Variants in NRIP1 observed in about 807,000 individuals in gnomAD.
NRIP1 encodes the protein nuclear receptor interacting protein 1.
Under a neutral mutation model 75.0 loss-of-function variants are expected in NRIP1, and 28 were observed. The observed-to-expected ratio is 0.37, with a 90% CI of 0.28 to 0.51. NRIP1 has a LOEUF of 0.51. Among genes scored for constraint, NRIP1 ranks in the 20% least tolerant of loss-of-function variants. NRIP1 has a pLI of 0.92. For synonymous variants in NRIP1, 526 were observed against 487.6 expected (o/e 1.08, Z -1.04); for missense variants, 1,435 against 1,343.7 (o/e 1.07, Z -1.06).
chr21:15,031,439 G>A (rs1176937874), intron 2 of NRIP1, among the ~76,000 whole-genome samples: 1 of 132,500 alleles, frequency 7.5e-6, no homozygotes, highest in African/African-American at 2.9e-5. Flanking sequence ...TCTGGAAGGC[G>A]CTCGGAGGAT....
chr21:15,038,858 A>T (rs752765834), intron 2 of NRIP1, among the ~76,000 whole-genome samples: 12 of 152,146 alleles, frequency 7.9e-5, no homozygotes, highest in Non-Finnish European at 1.0e-4. Context: ...CTCCTTCTAG[A>T]TGCTCAGCCT....
chr21:15,035,670 C>T lies in NRIP1; in HGVS notation c.-458+7825G>A, dbSNP rs192855604. On this transcript the variant is annotated intron_variant, in intron 2 of 3. Transcript: ENST00000318948. ...CTCCTGGGTTCAAGCATTTCTCCTG[C>T]CTCAGCCTCCTGAGTAGCTGGGATT... 6.2e-3 allele frequency among the ~76,000 whole-genome samples: 946 copies of T among 151,648 alleles called. 7 individuals are homozygous for T. Among genetic ancestry groups the T allele is most frequent in the African/African-American group, 0.021 (883 of 41,282 alleles).
intron 3 of NRIP1, among the ~76,000 whole-genome samples, chr21:14,985,130 A>T (rs2087359558): frequency 6.6e-6 from 1 of 152,190 alleles, no homozygotes; most frequent in African/African-American, 2.4e-5. Context: ...TAAACTCCTT[A>T]TGGGCAAGAA....
intron 3 of NRIP1, among the ~76,000 whole-genome samples, chr21:14,999,960 A>C (rs2087814296): frequency 6.6e-6 from 1 of 152,248 alleles, no homozygotes; most frequent in Non-Finnish European, 1.5e-5. Flanking sequence ...ATTGGTTAAT[A>C]AGCATAATGT....
At chr21:15,010,803 G>GA (rs922125337) in intron 3 of NRIP1, among the ~76,000 whole-genome samples, 2 of 152,166 alleles carry the variant, frequency 1.3e-5, no homozygotes, top group Non-Finnish European at 2.9e-5. Flanking sequence ...ATAAGACTCT[G>GA]AACGAAGATG....
rs1198834657 is a variant in NRIP1 at position 14,967,936 on chromosome 21, A to AGTCTG, written c.252_256dup (p.Leu86ProfsTer23). ...ATTCCAGTCCTCAGAAGACTGCAACAGTCTGGCTTTTTTGAGGTGCAGCAT... is the reference window on the plus strand; with the variant it reads ...ATTCCAGTCCTCAGAAGACTGCAACAGTCTGGTCTGGCTTTTTTGAGGTGCAGCAT... On this transcript the variant is annotated frameshift_variant, in exon 4 of 4. Transcript: ENST00000318948. LOFTEE classifies it high-confidence loss of function. The AGTCTG allele has an allele frequency of 1.2e-6, 2 of 1,614,136 alleles. No homozygotes were observed. Among genetic ancestry groups the AGTCTG allele is most frequent in the Admixed American group, 3.3e-5 (2 of 59,986 alleles).
intron 2 of NRIP1, among the ~76,000 whole-genome samples, chr21:15,023,520 A>G (rs1465341813): frequency 6.6e-6 from 1 of 152,232 alleles, no homozygotes; most frequent in Non-Finnish European, 1.5e-5. Flanking sequence ...CTGCATGCTC[A>G]ATATAAATAA....
intron 1 of NRIP1, among the ~76,000 whole-genome samples, chr21:15,058,362 T>A (rs574652633): frequency 9.6e-4 from 146 of 152,326 alleles, no homozygotes; most frequent in African/African-American, 3.5e-3. Context: ...GAGTTTCACA[T>A]GTTTCCAAAC....
chr21:15,028,548 G>A (rs1384175495), intron 2 of NRIP1, among the ~76,000 whole-genome samples: 1 of 152,078 alleles, frequency 6.6e-6, no homozygotes, highest in East Asian at 1.9e-4. Flanking sequence ...AAGGTTTGGG[G>A]CTGAAAAATC....
chr21:15,050,765 C>T (rs1476744191), intron 1 of NRIP1: 2 of 456,010 alleles, frequency 4.4e-6, no homozygotes, highest in South Asian at 1.5e-5. Flanking sequence ...AGGGGCCAGC[C>T]AACGCTTAGA....
At chr21:14,998,182 G>T (rs753794114) in intron 3 of NRIP1, among the ~76,000 whole-genome samples, 2 of 152,074 alleles carry the variant, frequency 1.3e-5, no homozygotes, top group African/African-American at 2.4e-5. Context: ...GTGGTTGAAG[G>T]CCTGACCCAC....
intron 3 of NRIP1, among the ~76,000 whole-genome samples, chr21:14,998,025 T>A (rs183494707): frequency 6.6e-6 from 1 of 152,196 alleles, no homozygotes; most frequent in Admixed American, 6.6e-5. Context: ...ATTTTGAGCA[T>A]GAGACAGCCA....
chr21:14,988,299 GTTAA>G (rs1048328396), intron 3 of NRIP1: 2 of 152,116 alleles, frequency 1.3e-5, no homozygotes, highest in African/African-American at 4.8e-5. Context: ...CTCAATGAAT[GTTAA>G]TTGTTTTACT....
chr21:14,974,785 T>C (rs966507113), intron 3 of NRIP1, among the ~76,000 whole-genome samples: 1 of 152,190 alleles, frequency 6.6e-6, no homozygotes, highest in African/African-American at 2.4e-5. Context: ...TTTTGAACTA[T>C]ATTGTTACTC....
At chr21:14,999,795 A>G (rs966880880) in intron 3 of NRIP1, among the ~76,000 whole-genome samples, 29 of 152,210 alleles carry the variant, frequency 1.9e-4, no homozygotes, top group African/African-American at 7.0e-4. Flanking sequence ...TCACCCACAT[A>G]AAGTTGTTCT....
chr21:15,032,165 T>C (rs1357055756), intron 2 of NRIP1, among the ~76,000 whole-genome samples: 1 of 152,110 alleles, frequency 6.6e-6, no homozygotes, highest in Non-Finnish European at 1.5e-5. Flanking sequence ...AGTCAAAGGG[T>C]TTTGATTTTT....
intron 2 of NRIP1, among the ~76,000 whole-genome samples, chr21:15,043,163 T>C (rs1036970062): frequency 6.6e-6 from 1 of 152,192 alleles, no homozygotes; most frequent in East Asian, 1.9e-4. Flanking sequence ...TACTTCACAC[T>C]GTCTTAGATA....
chr21:15,051,333 A>G (rs1178020652), intron 1 of NRIP1: 2 of 159,810 alleles, frequency 1.3e-5, no homozygotes, highest in African/African-American at 4.8e-5. Context: ...CAGGTGGTCA[A>G]TAAAAAATTA....
chr21:15,040,384 T>G (rs1447567646), intron 2 of NRIP1, among the ~76,000 whole-genome samples: 1 of 152,102 alleles, frequency 6.6e-6, no homozygotes, highest in African/African-American at 2.4e-5. Flanking sequence ...CACATTATAC[T>G]TCTAGTGAAC....
Sources: allele counts gnomAD v4.1 joint callset (sites outside exome capture counted in the v4.1 genomes callset), GRCh38; gene constraint gnomAD v4.1.1; transcripts MANE v1.5; gene names NCBI Gene and HGNC (gene_info 2026-07-23, HGNC 2026-07-21).